The following RPA1 variants were observed in gnomAD, a reference collection of about 807,000 sequenced individuals.
The protein encoded by RPA1 is replication protein A 70 kDa DNA-binding subunit.
Under a neutral mutation model 83.0 loss-of-function variants are expected in RPA1, and 49 were observed. The ratio of observed to expected loss-of-function variants is 0.59; its 90% CI spans 0.47 to 0.75. The LOEUF is 0.75. Among genes scored for constraint, RPA1 ranks in the 30% least tolerant of loss-of-function variants. The pLI, the probability that RPA1 is intolerant of heterozygous loss-of-function variation, is 0.00. For missense variants in RPA1, 693 were observed against 776.1 expected (o/e 0.89, Z 1.27); for synonymous variants, 279 against 281.8 (o/e 0.99, Z 0.10).
intron 4 of RPA1, 45 bp from the exon 5 acceptor site, chr17:1,853,056 C>G: frequency 6.8e-7 from 1 of 1,468,860 alleles, no homozygotes; most frequent in Non-Finnish European, 9.5e-7. Flanking sequence ...ATCATTTGAA[C>G]AGAATTTGTT....
At chr17:1,847,312 G>A (rs1284890853) in intron 4 of RPA1, among the ~76,000 whole-genome samples, 1 of 152,224 alleles carries the variant, frequency 6.6e-6, no homozygotes, top group African/African-American at 2.4e-5. Flanking sequence ...GAGCGCTTAA[G>A]TGGTGTTTTG....
At chr17:1,830,231 C>T in intron 1 of RPA1, 105 bp downstream of exon 1, 8 of 489,932 alleles carry the variant, frequency 1.6e-5, no homozygotes, top group South Asian at 1.8e-4. Flanking sequence ...GGGATGAACG[C>T]GAGGGGAGGA....
At chr17:1,856,269 C>G (rs1018555003) in intron 5 of RPA1, among the ~76,000 whole-genome samples, 14 of 151,290 alleles carry the variant, frequency 9.3e-5, no homozygotes, top group Non-Finnish European at 2.1e-4. Context: ...CACCAGTGCA[C>G]TCTAGCCTGG....
chr17:1,879,982 A>T (rs1409845214), intron 11 of RPA1, among the ~76,000 whole-genome samples: 1 of 141,372 alleles, frequency 7.1e-6, no homozygotes, highest in Non-Finnish European at 1.5e-5. Flanking sequence ...TGGGGCCTTC[A>T]GCACACACAG....
chr17:1,863,184 A>ATTTAG (rs1555590730), intron 5 of RPA1, among the ~76,000 whole-genome samples: 4 of 138,778 alleles, frequency 2.9e-5, no homozygotes, highest in African/African-American at 1.1e-4. Flanking sequence ...CGCCCAACTA[A>ATTTAG]TTTATTTTAT....
chr17:1,875,113 C>A (rs1434333739), intron 6 of RPA1, among the ~76,000 whole-genome samples: 2 of 152,158 alleles, frequency 1.3e-5, no homozygotes, highest in Non-Finnish European at 1.5e-5. Context: ...CTGATTCCTG[C>A]CCTTTGCACC....
At chr17:1,895,320 T>C (rs1369443856) in intron 16 of RPA1, among the ~76,000 whole-genome samples, 1 of 151,374 alleles carries the variant, frequency 6.6e-6, no homozygotes, top group Non-Finnish European at 1.5e-5. Flanking sequence ...GAATACAATA[T>C]GGATTTTTTT....
At chr17:1,893,473 C>T (rs1022920152) in intron 15 of RPA1, among the ~76,000 whole-genome samples, 5 of 152,340 alleles carry the variant, frequency 3.3e-5, no homozygotes, top group Admixed American at 6.5e-5. Flanking sequence ...GATCAAGTAA[C>T]CTTTACAGAA....
Position 1,879,435 on chromosome 17 carries a change from A to G in RPA1, c.952+28A>G, listed in dbSNP as rs550791322. The G allele has an allele frequency of 1.4e-5, 23 of 1,612,182 alleles. No individual in the cohort carries two copies. In the African/African-American group the frequency reaches 2.5e-4, roughly 18 times the overall value. ...AAGCTCGTGTATGAGAAGGAAGAGC[A>G]GGGATGACTAGCTTTCTTTGCAGTG... On this transcript the variant is annotated intron_variant, in intron 10 of 16. Transcript: ENST00000254719.
chr17:1,850,694 G>A (rs1912460748), intron 4 of RPA1, among the ~76,000 whole-genome samples: 1 of 151,678 alleles, frequency 6.6e-6, no homozygotes, highest in Non-Finnish European at 1.5e-5. Flanking sequence ...TGGGGAGTTC[G>A]AGACCAGCCT....
At chr17:1,839,740 A>T (rs1911969355) in intron 1 of RPA1, among the ~76,000 whole-genome samples, 1 of 142,124 alleles carries the variant, frequency 7.0e-6, no homozygotes, top group Non-Finnish European at 1.5e-5. Context: ...GGCTCAAGTG[A>T]TCCTCCCTCC....
chr17:1,870,855 C>T (rs1007435093), intron 5 of RPA1, among the ~76,000 whole-genome samples: 5 of 152,078 alleles, frequency 3.3e-5, no homozygotes, highest in African/African-American at 9.7e-5. Flanking sequence ...GGGAGGAAGT[C>T]GGAGGGAGTG....
At chr17:1,892,008 C>A in intron 15 of RPA1, 68 bp downstream of exon 15, 2 of 1,120,490 alleles carry the variant, frequency 1.8e-6, no homozygotes, top group Non-Finnish European at 2.5e-6. Context: ...ACTGACCCCA[C>A]ACATTTTTTT....
intron 16 of RPA1, among the ~76,000 whole-genome samples, chr17:1,895,414 G>A (rs543100040): frequency 2.0e-5 from 3 of 150,376 alleles, no homozygotes; most frequent in South Asian, 2.1e-4. Context: ...AAATTATAAC[G>A]CATGCAGTAG....
intron 5 of RPA1, among the ~76,000 whole-genome samples, chr17:1,859,932 C>T (rs1453007476): frequency 1.3e-5 from 2 of 152,246 alleles, no homozygotes; most frequent in Admixed American, 6.5e-5. Context: ...CCTGCCTCAG[C>T]CTCCTGAGTA....
At chr17:1,853,308 G>T in intron 5 of RPA1, 119 bp downstream of exon 5, 1 of 754,948 alleles carries the variant, frequency 1.3e-6, no homozygotes, top group Middle Eastern at 2.4e-4. Flanking sequence ...TGATTCTGAG[G>T]TCTAGGAACC....
chr17:1,845,949 A>G (rs1282386131), intron 4 of RPA1, among the ~76,000 whole-genome samples: 3 of 152,132 alleles, frequency 2.0e-5, no homozygotes, highest in African/African-American at 4.8e-5. Context: ...GACCAAAACA[A>G]CAACAACAAA....
intron 5 of RPA1, among the ~76,000 whole-genome samples, chr17:1,853,864 T>C (rs1764990756): frequency 6.6e-6 from 1 of 152,230 alleles, no homozygotes; most frequent in Admixed American, 6.5e-5. Flanking sequence ...TATACTCCTG[T>C]GATAACACTC....
chr17:1,873,702 C>CT (rs936073178), intron 6 of RPA1, among the ~76,000 whole-genome samples: 1 of 152,028 alleles, frequency 6.6e-6, no homozygotes, highest in African/African-American at 2.4e-5. Flanking sequence ...AAATTACATG[C>CT]TGTTGGCCAG....
Sources: allele counts gnomAD v4.1 joint callset (sites outside exome capture counted in the v4.1 genomes callset), GRCh38; gene constraint gnomAD v4.1.1; transcripts MANE v1.5; gene names NCBI Gene and HGNC (gene_info 2026-07-23, HGNC 2026-07-21).